The following NNT variants were observed in gnomAD, a reference collection of about 807,000 sequenced individuals.
The protein encoded by NNT is nicotinamide nucleotide transhydrogenase.
In NNT, 50 loss-of-function variants were observed where a neutral mutation model predicts 104.8. The observed-to-expected ratio is 0.48, with a 90% CI of 0.38 to 0.60. The LOEUF is 0.60. Among genes scored for constraint, NNT ranks in the 20% least tolerant of loss-of-function variants. The probability of loss-of-function intolerance (pLI) is 0.00; values close to 1 mark genes in which losing one functional copy is unlikely to be tolerated. For synonymous variants in NNT, 461 were observed against 490.4 expected (o/e 0.94, Z 0.79); for missense variants, 1,131 against 1,330.7 (o/e 0.85, Z 2.33).
intron 10 of NNT, chr5:43,647,813 ATAGC>A (rs1739533946): frequency 2.4e-6 from 1 of 423,102 alleles, no homozygotes. Context: ...GGTCATGATA[ATAGC>A]TAGCATTTAG....
intron 5 of NNT, among the ~76,000 whole-genome samples, chr5:43,623,152 T>C (rs1750183515): frequency 6.6e-6 from 1 of 152,170 alleles, no homozygotes; most frequent in Non-Finnish European, 1.5e-5. Flanking sequence ...CAGAGCTCAC[T>C]GGAGCACAGT....
chr5:43,700,280 T>C (rs376231915), intron 20 of NNT, 43 bp downstream of exon 20: 2 of 1,410,010 alleles, frequency 1.4e-6, no homozygotes, highest in East Asian at 2.3e-5. Flanking sequence ...ATTCTTACTA[T>C]GAATAAAGCA....
At chr5:43,687,740 T>A (rs998697643) in intron 19 of NNT, among the ~76,000 whole-genome samples, 2 of 152,218 alleles carry the variant, frequency 1.3e-5, no homozygotes, top group African/African-American at 2.4e-5. Context: ...ATGATGGTTA[T>A]GTTGGTAATT....
At chr5:43,618,462 T>C (rs1749899195) in intron 4 of NNT, among the ~76,000 whole-genome samples, 1 of 152,188 alleles carries the variant, frequency 6.6e-6, no homozygotes, top group African/African-American at 2.4e-5. Flanking sequence ...TGAAATCTTA[T>C]TTTGTACAAG....
intron 16 of NNT, among the ~76,000 whole-genome samples, chr5:43,657,231 T>A (rs1238438408): frequency 6.6e-6 from 1 of 152,226 alleles, no homozygotes; most frequent in African/African-American, 2.4e-5. Flanking sequence ...TTGGAAGATA[T>A]GACACGAAAT....
At chr5:43,671,393 AT>A (rs1256048238) in intron 17 of NNT, among the ~76,000 whole-genome samples, 6 of 152,214 alleles carry the variant, frequency 3.9e-5, no homozygotes, top group African/African-American at 1.4e-4. Flanking sequence ...GGTCTTTACA[AT>A]TTGGCATGTT....
intron 1 of NNT, among the ~76,000 whole-genome samples, chr5:43,608,541 G>C (rs539375157): frequency 6.6e-6 from 1 of 152,152 alleles, no homozygotes; most frequent in Non-Finnish European, 1.5e-5. Context: ...CATGTGTCAT[G>C]CATGTTTAAT....
intron 17 of NNT, 27 bp from the exon 18 acceptor site, chr5:43,675,484 C>G: frequency 6.3e-7 from 1 of 1,599,098 alleles, no homozygotes; most frequent in South Asian, 1.1e-5. Context: ...GTGTTAAACT[C>G]TCACAGCTGA....
intron 14 of NNT, among the ~76,000 whole-genome samples, chr5:43,654,778 C>T (rs1213082417): frequency 6.6e-6 from 1 of 152,126 alleles, no homozygotes; most frequent in Non-Finnish European, 1.5e-5. Context: ...ATTTTTTTCC[C>T]CTGGAACTGG....
chr5:43,610,201 CTTTT>C (rs3054076), intron 2 of NNT, among the ~76,000 whole-genome samples: 15 of 126,110 alleles, frequency 1.2e-4, no homozygotes, highest in Non-Finnish European at 1.1e-4. Context: ...AACTGTCTGT[CTTTT>C]TTTTTTTTTT....
At chr5:43,704,149 G>C in intron 21 of NNT, 106 bp from the exon 22 acceptor site, 1 of 882,498 alleles carries the variant, frequency 1.1e-6, no homozygotes, top group Non-Finnish European at 1.7e-6. Flanking sequence ...AGAATTAGTA[G>C]TGGTACATGC....
intron 7 of NNT, among the ~76,000 whole-genome samples, chr5:43,636,715 T>G (rs1750948282): frequency 6.6e-6 from 1 of 152,190 alleles, no homozygotes; most frequent in African/African-American, 2.4e-5. Flanking sequence ...GTATATTTCC[T>G]TATTTGTGCT....
At chr5:43,644,124 TAA>T in intron 7 of NNT, 66 bp from the exon 8 acceptor site, 1 of 1,418,026 alleles carries the variant, frequency 7.1e-7, no homozygotes, top group Non-Finnish European at 9.7e-7. Flanking sequence ...GAGACTACTG[TAA>T]TAATTAGACT....
At chr5:43,669,199 C>G (rs532780622) in intron 17 of NNT, among the ~76,000 whole-genome samples, 2 of 152,226 alleles carry the variant, frequency 1.3e-5, no homozygotes, top group South Asian at 2.1e-4. Context: ...ATGGGGTTTT[C>G]TAGATATACA....
intron 13 of NNT, 26 bp downstream of exon 13, chr5:43,651,910 T>C: frequency 1.2e-6 from 2 of 1,604,470 alleles, no homozygotes; most frequent in Non-Finnish European, 1.7e-6. Flanking sequence ...TAAGTTTTTA[T>C]ATTTACCACA....
intron 19 of NNT, among the ~76,000 whole-genome samples, chr5:43,686,993 G>A (rs1238895279): frequency 6.6e-6 from 1 of 152,150 alleles, no homozygotes; most frequent in Non-Finnish European, 1.5e-5. Context: ...AAGAGACATA[G>A]ATAGTGTATA....
At chr5:43,639,918 C>A (rs566826167) in intron 7 of NNT, among the ~76,000 whole-genome samples, 1 of 150,522 alleles carries the variant, frequency 6.6e-6, no homozygotes, top group Non-Finnish European at 1.5e-5. Flanking sequence ...GTCACAGTGA[C>A]TGATTTTTTT....
intron 6 of NNT, among the ~76,000 whole-genome samples, chr5:43,627,299 G>T (rs1384703830): frequency 8.5e-5 from 13 of 152,292 alleles, no homozygotes; most frequent in Non-Finnish European, 2.9e-5. Context: ...TGAACATGAT[G>T]GTTGCTAGGG....
At chr5:43,646,237 T>C (rs1739420067) in intron 10 of NNT, among the ~76,000 whole-genome samples, 1 of 152,194 alleles carries the variant, frequency 6.6e-6, no homozygotes, top group Non-Finnish European at 1.5e-5. Context: ...ACATTTTTCC[T>C]GTTATAGAAA....
Sources: gnomAD v4.1 joint callset for allele counts (sites outside exome capture counted in the v4.1 genomes callset) on GRCh38, gnomAD v4.1.1 for gene constraint, MANE v1.5 for transcripts, NCBI Gene and HGNC (gene_info 2026-07-23, HGNC 2026-07-21) for gene names.